PCDHGB2: variants seen among roughly 807,000 people sequenced by gnomAD.
PCDHGB2 encodes the protein protocadherin gamma-B2.
Under a neutral mutation model 59.3 loss-of-function variants are expected in PCDHGB2, and 55 were observed. The observed-to-expected ratio is 0.93, with a 90% confidence interval of 0.75 to 1.16. The LOEUF is 1.16. Among genes scored for constraint, PCDHGB2 ranks in the 50% most tolerant of loss-of-function variants. The probability of loss-of-function intolerance (pLI) is 0.00; values close to 1 mark genes in which losing one functional copy is unlikely to be tolerated. For synonymous variants in PCDHGB2, 516 were observed against 512.0 expected, an observed-to-expected ratio of 1.01 and a Z score of -0.11; for missense variants, 1,228 against 1,198.5, an observed-to-expected ratio of 1.02 and a Z score of -0.36.
At position 141,490,346 on chromosome 5, in the gene PCDHGB2, T is replaced by G. The variant is rs1396321935; in HGVS notation, c.2422-4461T>G. 1.2e-6 allele frequency: 2 copies of G among 1,614,046 alleles called. No individual in the cohort carries two copies. Among genetic ancestry groups the G allele is most frequent in the African/African-American group, 2.7e-5 (2 of 74,900 alleles). ...GAGAGCACACCAGTGGGCACAGTAG[T>G]GGGGTTGTTTAATGTGCGAGACCGG... On this transcript the variant is annotated intron_variant, in intron 1 of 3. Coordinates refer to ENST00000522605, the MANE Select transcript of PCDHGB2 (RefSeq NM_018923.3). This position sits in a 1 kb window ranked among gnomAD's most constrained non-coding sequence, Gnocchi z 5.4.
In PCDHGB2 at chr5:141,362,466, G is replaced by T. The variant is rs753193547; in HGVS notation, c.2331G>T (p.Ala777=). The T allele has an allele frequency of 1.2e-5, 19 of 1,613,922 alleles. No homozygotes were observed. The highest frequency in any genetic ancestry group is 1.6e-5 in the Non-Finnish European group (19 of 1,179,902). Residue 777 remains alanine (A), a synonymous_variant, in exon 1 of 4, where the codon GCG becomes GCT. Coordinates refer to ENST00000522605, the MANE Select transcript of PCDHGB2 (RefSeq NM_018923.3). ...FLNITPELVP[A]QDLVCDNASW... is the part of the protein sequence containing the mutation. ...ACATAACCCCGGAATTGGTTCCCGC[G>T]CAAGATCTCGTCTGTGACAATGCCT... is the stretch of plus-strand genomic sequence containing the variant.
At chr5:141,416,501 T>C (rs1164504285) in intron 1 of PCDHGB2, 6 of 152,148 alleles carry the variant, frequency 3.9e-5, no homozygotes, top group Non-Finnish European at 7.4e-5. Context: ...AAGAGATATA[T>C]GACAAAGCTA....
chr5:141,477,737 G>T lies in PCDHGB2; in HGVS notation c.2422-17070G>T, dbSNP rs1178108717. 1.2e-6 allele frequency: 2 copies of T among 1,613,846 alleles called. No homozygotes were observed. Among genetic ancestry groups the T allele is most frequent in the South Asian group, 1.1e-5 (1 of 91,088 alleles). ...ATTTGAATTAACAGCTCATATCAGC[G>T]ATGGGGGCACCCCGGTCCTAGCCAC... On this transcript the variant is annotated intron_variant, in intron 1 of 3. Coordinates refer to ENST00000522605, the MANE Select transcript of PCDHGB2 (RefSeq NM_018923.3). This position sits in a 1 kb window ranked among gnomAD's most constrained non-coding sequence, Gnocchi z 4.9.
At chr5:141,382,813 T>A in intron 1 of PCDHGB2, 1 of 1,218,620 alleles carries the variant, frequency 8.2e-7, no homozygotes, top group East Asian at 2.4e-5. Flanking sequence ...GAGCTCCCCT[T>A]CCTAAGACAG....
At position 141,385,321 on chromosome 5, in the gene PCDHGB2, C is replaced by T. The variant is rs1267234548; in HGVS notation, c.2421+22765C>T. On this transcript the variant is annotated intron_variant, in intron 1 of 3. Transcript: ENST00000522605. ...ATGTAAAGAAAACCTGCCAAGTATT[C>T]AGGTGAGCCCAGCCCTTCCTTTATT... 3.7e-6 allele frequency: 6 copies of T among 1,606,764 alleles called. No homozygotes were observed. The South Asian group carries it at 6.7e-5, about 18-fold the overall frequency.
At chr5:141,423,006 T>G (rs746057587) in intron 1 of PCDHGB2, 12 of 1,614,078 alleles carry the variant, frequency 7.4e-6, no homozygotes, top group African/African-American at 1.3e-5. Context: ...CCAAGGTGGT[T>G]GCGGTGGACA....
At chr5:141,451,288 C>G (rs1308574266) in intron 1 of PCDHGB2, among the ~76,000 whole-genome samples, 3 of 152,200 alleles carry the variant, frequency 2.0e-5, no homozygotes, top group Non-Finnish European at 4.4e-5. Context: ...GCCTCTGCCT[C>G]AAAGTCTTAC....
intron 1 of PCDHGB2, among the ~76,000 whole-genome samples, chr5:141,437,686 G>A (rs1025629140): frequency 2.6e-5 from 4 of 151,740 alleles, no homozygotes; most frequent in African/African-American, 9.7e-5. Flanking sequence ...AACTGATGAG[G>A]CTAAATCTCA....
chr5:141,380,433 A>C (rs1228885429), intron 1 of PCDHGB2, among the ~76,000 whole-genome samples: 1 of 152,256 alleles, frequency 6.6e-6, no homozygotes, highest in Non-Finnish European at 1.5e-5. Flanking sequence ...TAGACTTTAC[A>C]TAGAATTCTT....
intron 1 of PCDHGB2, among the ~76,000 whole-genome samples, chr5:141,474,243 G>GA (rs1161758975): frequency 2.6e-5 from 4 of 152,050 alleles, no homozygotes; most frequent in Admixed American, 1.3e-4. Context: ...CTGAATAGGG[G>GA]AAAAAAAGAC....
At chr5:141,363,976 A>G (rs1416527088) in intron 1 of PCDHGB2, among the ~76,000 whole-genome samples, 1 of 152,278 alleles carries the variant, frequency 6.6e-6, no homozygotes, top group Non-Finnish European at 1.5e-5. Context: ...CTTGCTATTC[A>G]GAATTAAAGC....
rs1357901633 is a variant in PCDHGB2, at chr5:141,476,594, C to G, written c.2422-18213C>G. On this transcript the variant is annotated intron_variant, in intron 1 of 3. Transcript: ENST00000522605. This position sits in a 1 kb window ranked among gnomAD's most constrained non-coding sequence, Gnocchi z 7.6. ...GACGCGCTTTCCGCTCGAGAGCGCG[C>G]ACGATCCCGATGTGGGAAGCAACTC... The G allele has an allele frequency of 3.7e-6, 6 of 1,614,242 alleles. No homozygotes were observed. The highest frequency in any genetic ancestry group is 4.2e-6 in the Non-Finnish European group (5 of 1,180,040).
At chr5:141,454,019 A>G (rs905033407) in intron 1 of PCDHGB2, among the ~76,000 whole-genome samples, 1 of 152,262 alleles carries the variant, frequency 6.6e-6, no homozygotes, top group African/African-American at 2.4e-5. Flanking sequence ...AGAAAAATGT[A>G]TTAAGAATTG....
intron 1 of PCDHGB2, chr5:141,418,140 A>C (rs1487263767): frequency 6.2e-7 from 1 of 1,613,986 alleles, no homozygotes; most frequent in African/African-American, 1.3e-5. Context: ...GACCGTGAGC[A>C]AATATGCAAA....
chr5:141,420,076 T>A, intron 1 of PCDHGB2: 2 of 1,613,956 alleles, frequency 1.2e-6, no homozygotes, highest in Non-Finnish European at 1.7e-6. Context: ...GACCTGTGGG[T>A]CCCCCCAACT....
At chr5:141,393,917 C>A in intron 1 of PCDHGB2, 1 of 1,613,924 alleles carries the variant, frequency 6.2e-7, no homozygotes, top group Non-Finnish European at 8.5e-7. Flanking sequence ...TAATTGCCTT[C>A]TTGAGTGTGC....
Position 141,485,187 on chromosome 5 carries a change from T to A in PCDHGB2, c.2422-9620T>A, listed in dbSNP as rs1325714839. ...CGGGCGGCAGCAATGCTCCGCAAGG[T>A]GAGAAGCTGGACAGAAATCTGGCGG... On this transcript the variant is annotated intron_variant, in intron 1 of 3. Transcript: ENST00000522605. This position sits in a 1 kb window ranked among gnomAD's most constrained non-coding sequence, Gnocchi z 5.7. 1 of 1,613,502 alleles carries A rather than the reference T, an allele frequency of 6.2e-7. No individual in the cohort carries two copies. The highest frequency in any genetic ancestry group is 1.7e-5 in the Admixed American group (1 of 60,018).
chr5:141,476,642 C>T lies in PCDHGB2; in HGVS notation c.2422-18165C>T. On this transcript the variant is annotated intron_variant, in intron 1 of 3. Transcript: ENST00000522605. This position sits in a 1 kb window ranked among gnomAD's most constrained non-coding sequence, Gnocchi z 7.6. The stretch of plus-strand genomic sequence containing the variant: ...CTCTTTACAAACCTATGAGCTGAGC[C>T]GAAATGAATACTTTGCGCTTCGCGT... The T allele has an allele frequency of 1.9e-6, 3 of 1,614,240 alleles. No individual in the cohort carries two copies. The highest frequency in any genetic ancestry group is 2.5e-6 in the Non-Finnish European group (3 of 1,180,050).
chr5:141,510,272 TAAAA>T (rs546154379), intron 3 of PCDHGB2, among the ~76,000 whole-genome samples: 1 of 130,390 alleles, frequency 7.7e-6, no homozygotes, highest in East Asian at 2.2e-4. Context: ...GACTCCATCT[TAAAA>T]AAAAAAAAAA....
Sources: gnomAD v4.1 joint callset for allele counts (sites outside exome capture counted in the v4.1 genomes callset) on GRCh38, gnomAD v4.1.1 for gene constraint, Gnocchi (gnomAD v3.1) non-coding constraint, MANE v1.5 for transcripts, NCBI Gene and HGNC (gene_info 2026-07-23, HGNC 2026-07-21) for gene names.